Variants in GRID2 observed in about 807,000 individuals in gnomAD.
GRID2 encodes glutamate receptor ionotropic, delta-2.
In GRID2, 33 loss-of-function variants were observed where a neutral mutation model predicts 114.8. The observed-to-expected ratio is 0.29, with a 90% CI of 0.22 to 0.38. The LOEUF is 0.38. Among genes scored for constraint, GRID2 ranks in the 10% least tolerant of loss-of-function variants. The pLI, the probability that GRID2 is intolerant of heterozygous loss-of-function variation, is 1.00. For missense variants in GRID2, 1,184 were observed against 1,257.7 expected (o/e 0.94, Z 0.89); for synonymous variants, 505 against 449.9 (o/e 1.12, Z -1.55).
chr4:93,712,164 T>C (rs1728543686), intron 14 of GRID2, among the ~76,000 whole-genome samples: 1 of 152,194 alleles, frequency 6.6e-6, no homozygotes, highest in African/African-American at 2.4e-5. Context: ...TTTATTGAAT[T>C]TGCCAATCTT....
At chr4:93,037,715 G>GT (rs1725056592) in intron 2 of GRID2, among the ~76,000 whole-genome samples, 1 of 152,096 alleles carries the variant, frequency 6.6e-6, no homozygotes, top group South Asian at 2.1e-4. Context: ...CCCATTGCTT[G>GT]TTTTTGTCAG....
chr4:92,345,843 GCCTT>G (rs1227729115), intron 1 of GRID2, among the ~76,000 whole-genome samples: 1 of 152,098 alleles, frequency 6.6e-6, no homozygotes, highest in Non-Finnish European at 1.5e-5. Flanking sequence ...AGCATCGTTA[GCCTT>G]CTCCTTTTGG....
intron 2 of GRID2, among the ~76,000 whole-genome samples, chr4:92,959,109 G>GT (rs1752621047): frequency 8.2e-5 from 4 of 48,510 alleles, no homozygotes; most frequent in African/African-American, 2.4e-4. Flanking sequence ...AGATTTTATT[G>GT]ATTTTTTTTT....
chr4:92,607,895 C>T (rs1729534689), intron 2 of GRID2, among the ~76,000 whole-genome samples: 1 of 151,586 alleles, frequency 6.6e-6, no homozygotes, highest in Non-Finnish European at 1.5e-5. Context: ...AATAGGATAA[C>T]AAGGCAATAT....
chr4:92,874,911 G>T (rs1745512024), intron 2 of GRID2, among the ~76,000 whole-genome samples: 1 of 151,980 alleles, frequency 6.6e-6, no homozygotes, highest in African/African-American at 2.4e-5. Flanking sequence ...ATGCAGACCT[G>T]GTGTTTTGTT....
rs1429258944 is a variant in GRID2, at chr4:92,917,308, G to T, written c.245-167687G>T. On this transcript the variant is annotated intron_variant, in intron 2 of 15. Coordinates refer to ENST00000282020, the MANE Select transcript of GRID2 (RefSeq NM_001510.4). ...GCAAAAATTTTCTCCCATTCTGTAG[G>T]TTGCCTGTTCACTCTGATGGTAGTT... Among the ~76,000 whole-genome samples the T allele has an allele frequency of 2.0e-5, 3 of 152,190 alleles. No individual in the cohort carries two copies. The East Asian group carries it at 5.8e-4, about 29-fold the overall frequency.
At chr4:93,396,530 A>G (rs541358122) in intron 9 of GRID2, among the ~76,000 whole-genome samples, 1 of 152,108 alleles carries the variant, frequency 6.6e-6, no homozygotes, top group Admixed American at 6.6e-5. Flanking sequence ...ACTTAGAACA[A>G]TGTTAAATTC....
At chr4:93,503,937 C>T (rs1335773791) in intron 12 of GRID2, among the ~76,000 whole-genome samples, 2 of 151,940 alleles carry the variant, frequency 1.3e-5, no homozygotes, top group Admixed American at 6.6e-5. Flanking sequence ...AAACTTGGCC[C>T]CCTGTTCCTG....
chr4:92,941,976 G>GAC (rs1751180051), intron 2 of GRID2, among the ~76,000 whole-genome samples: 7 of 152,112 alleles, frequency 4.6e-5, no homozygotes, highest in African/African-American at 1.2e-4. Flanking sequence ...GCTGAGGAAT[G>GAC]CTTTACTTCC....
At chr4:93,065,141 T>G (rs1354290470) in intron 2 of GRID2, among the ~76,000 whole-genome samples, 1 of 151,888 alleles carries the variant, frequency 6.6e-6, no homozygotes, top group African/African-American at 2.4e-5. Context: ...AAATTTTGTT[T>G]GCATTTTTTA....
At chr4:93,527,144 TA>T (rs1218788973) in intron 13 of GRID2, among the ~76,000 whole-genome samples, 17 of 152,200 alleles carry the variant, frequency 1.1e-4, no homozygotes, top group Non-Finnish European at 2.1e-4. Context: ...TCTCAACTGC[TA>T]AATTCAATTC....
intron 2 of GRID2, among the ~76,000 whole-genome samples, chr4:92,876,677 G>A (rs933647532): frequency 6.6e-6 from 1 of 152,112 alleles, no homozygotes; most frequent in African/African-American, 2.4e-5. Context: ...AGGAAAATGG[G>A]TAAAATGCAT....
chr4:93,152,975 C>A (rs1736865333), intron 4 of GRID2, among the ~76,000 whole-genome samples: 1 of 151,994 alleles, frequency 6.6e-6, no homozygotes, highest in Admixed American at 6.6e-5. Flanking sequence ...GTTATTTTGT[C>A]CTGATATGTC....
chr4:92,705,669 T>C (rs2149305203), intron 2 of GRID2, among the ~76,000 whole-genome samples: 1 of 152,354 alleles, frequency 6.6e-6, no homozygotes, highest in East Asian at 1.9e-4. Context: ...TATTTCATAA[T>C]GCCTCTTTCT....
chr4:92,421,582 T>A (rs1022128283), intron 1 of GRID2, among the ~76,000 whole-genome samples: 1 of 152,120 alleles, frequency 6.6e-6, no homozygotes, highest in Non-Finnish European at 1.5e-5. Context: ...AGTCTGGTAG[T>A]GGGTCCAAGG....
At chr4:93,736,971 C>T (rs1021018047) in intron 14 of GRID2, among the ~76,000 whole-genome samples, 1 of 151,616 alleles carries the variant, frequency 6.6e-6, no homozygotes, top group African/African-American at 2.4e-5. Context: ...TGAGGTAACA[C>T]GTTGAGCTTT....
intron 1 of GRID2, among the ~76,000 whole-genome samples, chr4:92,549,992 C>T (rs78865889): frequency 0.014 from 2,159 of 152,056 alleles, 47 homozygotes; most frequent in African/African-American, 0.049. Flanking sequence ...AAATAAAATG[C>T]AACATTTTGA....
At chr4:93,798,835 G>A (rs1405060473) in intron 1 of GRID2, among the ~76,000 whole-genome samples, 1 of 152,158 alleles carries the variant, frequency 6.6e-6, no homozygotes, top group Non-Finnish European at 1.5e-5. Context: ...CAGAGCCCTG[G>A]GTTTGTTATG....
At chr4:93,163,394 A>AGTG (rs1560941904) in intron 4 of GRID2, among the ~76,000 whole-genome samples, 38 of 44,588 alleles carry the variant, frequency 8.5e-4, no homozygotes, top group African/African-American at 3.1e-3. Context: ...ATATATATAT[A>AGTG]TATATACACT....
Sources: allele counts gnomAD v4.1 joint callset (sites outside exome capture counted in the v4.1 genomes callset), GRCh38; gene constraint gnomAD v4.1.1; transcripts MANE v1.5; gene names NCBI Gene and HGNC (gene_info 2026-07-23, HGNC 2026-07-21).